Variants in GNA14 observed in about 807,000 individuals in gnomAD.
GNA14 encodes guanine nucleotide-binding protein subunit alpha-14.
A neutral mutation model predicts 42.0 loss-of-function variants in GNA14; 50 were observed. The observed-to-expected ratio is 1.19, with a 90% CI of 0.95 to 1.51. The LOEUF (loss-of-function observed/expected upper bound fraction) is 1.51, where lower values mean the gene tolerates loss of function less well. Among genes scored for constraint, GNA14 ranks in the 40% most tolerant of loss-of-function variants. GNA14 has a pLI of 0.00. For missense variants in GNA14, 473 were observed against 446.2 expected (o/e 1.06, Z -0.54); for synonymous variants, 173 against 163.1 (o/e 1.06, Z -0.46).
At chr9:77,552,897 C>T (rs995675294) in intron 1 of GNA14, among the ~76,000 whole-genome samples, 5 of 152,158 alleles carry the variant, frequency 3.3e-5, no homozygotes, top group Non-Finnish European at 7.3e-5. Context: ...CTGTGCCAAC[C>T]AACAGAACAC....
intron 2 of GNA14, among the ~76,000 whole-genome samples, chr9:77,527,273 C>A (rs985162272): frequency 1.3e-5 from 2 of 152,054 alleles, no homozygotes; most frequent in African/African-American, 2.4e-5. Flanking sequence ...AGAACTGTAC[C>A]TTTTCAAAAA....
intron 1 of GNA14, among the ~76,000 whole-genome samples, chr9:77,583,376 C>T (rs1045434135): frequency 6.6e-6 from 1 of 152,182 alleles, no homozygotes; most frequent in African/African-American, 2.4e-5. Flanking sequence ...AAAGCTCTGG[C>T]AACAGAAAAC....
At chr9:77,463,647 G>C (rs776122571) in intron 2 of GNA14, among the ~76,000 whole-genome samples, 2 of 152,238 alleles carry the variant, frequency 1.3e-5, no homozygotes, top group African/African-American at 2.4e-5. Context: ...TTCTCAACCA[G>C]TATCAGCAGC....
intron 1 of GNA14, among the ~76,000 whole-genome samples, chr9:77,551,577 G>A (rs1448365626): frequency 1.4e-5 from 2 of 147,006 alleles, no homozygotes; most frequent in East Asian, 2.0e-4. Flanking sequence ...CCAGACTGAA[G>A]CTGAAGCCCT....
At chr9:77,495,788 T>C (rs79640549) in intron 2 of GNA14, among the ~76,000 whole-genome samples, 1 of 152,332 alleles carries the variant, frequency 6.6e-6, no homozygotes, top group Non-Finnish European at 1.5e-5. Flanking sequence ...AAAAAGTGTA[T>C]ACTAAGGGCT....
At chr9:77,471,813 A>T (rs925497742) in intron 2 of GNA14, among the ~76,000 whole-genome samples, 75 of 152,196 alleles carry the variant, frequency 4.9e-4, no homozygotes, top group African/African-American at 1.8e-3. Context: ...GGACTTATAA[A>T]GGTCATAAAA....
chr9:77,620,478 A>G (rs868298572), intron 1 of GNA14, among the ~76,000 whole-genome samples: 3 of 152,226 alleles, frequency 2.0e-5, no homozygotes, highest in South Asian at 2.1e-4. Flanking sequence ...ATTAGAAACA[A>G]TATTTCTAAT....
intron 1 of GNA14, among the ~76,000 whole-genome samples, chr9:77,543,314 C>T (rs778486189): frequency 6.6e-5 from 10 of 152,158 alleles, no homozygotes; most frequent in Non-Finnish European, 1.5e-4. Flanking sequence ...GGGTTTCTCA[C>T]GTCTTAGTCC....
chr9:77,468,234 T>C (rs1205501822), intron 2 of GNA14, among the ~76,000 whole-genome samples: 2 of 152,218 alleles, frequency 1.3e-5, no homozygotes, highest in Non-Finnish European at 2.9e-5. Context: ...TTAATGCTCT[T>C]ACTGGCATAT....
At chr9:77,611,217 T>C (rs1306479526) in intron 1 of GNA14, among the ~76,000 whole-genome samples, 1 of 152,190 alleles carries the variant, frequency 6.6e-6, no homozygotes, top group African/African-American at 2.4e-5. Context: ...TAGCATGCTA[T>C]AGATGCTGGT....
At chr9:77,466,813 GACTCTGTGTGACTA>G (rs1478374194) in intron 2 of GNA14, among the ~76,000 whole-genome samples, 2 of 152,078 alleles carry the variant, frequency 1.3e-5, no homozygotes, top group African/African-American at 4.8e-5. Context: ...TTCGTTTAGG[GACTCTGTGTGACTA>G]ACTCTGTGAT....
chr9:77,543,946 A>T (rs1179512927), intron 1 of GNA14, among the ~76,000 whole-genome samples: 2 of 152,202 alleles, frequency 1.3e-5, no homozygotes, highest in Admixed American at 1.3e-4. Context: ...TTTTACTCTA[A>T]TTTGAGCTAT....
At chr9:77,506,121 C>T (rs9792582) in intron 2 of GNA14, among the ~76,000 whole-genome samples, 1 of 150,996 alleles carries the variant, frequency 6.6e-6, no homozygotes, top group Admixed American at 6.6e-5. Flanking sequence ...ATAATTAAAT[C>T]AACAAATAAA....
At chr9:77,564,517 T>G (rs1306040968) in intron 1 of GNA14, among the ~76,000 whole-genome samples, 1 of 152,102 alleles carries the variant, frequency 6.6e-6, no homozygotes, top group East Asian at 1.9e-4. Context: ...ATGAATACAT[T>G]TCTTTTTATT....
chr9:77,572,147 C>G (rs1177244045), intron 1 of GNA14, among the ~76,000 whole-genome samples: 4 of 152,090 alleles, frequency 2.6e-5, no homozygotes, highest in Non-Finnish European at 5.9e-5. Flanking sequence ...TTGCAAATTA[C>G]AAGTTTGTCT....
chr9:77,497,953 G>C (rs536815369), intron 2 of GNA14, among the ~76,000 whole-genome samples: 41 of 152,288 alleles, frequency 2.7e-4, no homozygotes, highest in African/African-American at 7.9e-4. Context: ...TCCTATGATA[G>C]TGACTGAGTC....
At chr9:77,616,018 G>C (rs1823809912) in intron 1 of GNA14, among the ~76,000 whole-genome samples, 1 of 152,116 alleles carries the variant, frequency 6.6e-6, no homozygotes, top group African/African-American at 2.4e-5. Flanking sequence ...TGCAGGGTTT[G>C]TCTGAAATCT....
chr9:77,578,034 G>A lies in GNA14; in HGVS notation c.125-48781C>T, dbSNP rs139803613. Among the ~76,000 whole-genome samples, 1,074 of 152,244 alleles carry A rather than the reference G, an allele frequency of 7.1e-3. 7 individuals carry two copies. The highest frequency in any genetic ancestry group is 0.012 in the Non-Finnish European group (787 of 68,028). On this transcript the variant is annotated intron_variant, in intron 1 of 6. Coordinates refer to ENST00000341700, the MANE Select transcript of GNA14 (RefSeq NM_004297.4). ...TGTAATACTAGCACCTTGGGAGGCT[G>A]AGGCGGGCAGATCACGAGGTCAAGA...
intron 1 of GNA14, among the ~76,000 whole-genome samples, chr9:77,646,474 T>C (rs377378241): frequency 6.6e-6 from 1 of 152,100 alleles, no homozygotes; most frequent in East Asian, 1.9e-4. Flanking sequence ...CTGGGCCCTT[T>C]AAACCCAGGG....
Sources: allele counts gnomAD v4.1 joint callset (sites outside exome capture counted in the v4.1 genomes callset), GRCh38; gene constraint gnomAD v4.1.1; transcripts MANE v1.5; gene names NCBI Gene and HGNC (gene_info 2026-07-23, HGNC 2026-07-21).